Variants in SGCD observed in about 807,000 individuals in gnomAD.
SGCD encodes sarcoglycan delta.
Under a neutral mutation model 36.6 loss-of-function variants are expected in SGCD, and 18 were observed. The ratio of observed to expected loss-of-function variants is 0.49; its 90% CI spans 0.34 to 0.73. The LOEUF (loss-of-function observed/expected upper bound fraction) is 0.73. Ranked by LOEUF, SGCD falls within the 30% of genes least tolerant of loss-of-function variation. The pLI is 0.01. For missense variants in SGCD, 387 were observed against 346.7 expected (o/e 1.12, Z -0.92); for synonymous variants, 133 against 130.6 (o/e 1.02, Z -0.12).
chr5:156,757,851 A>T (rs1757400961), intron 8 of SGCD, 147 bp downstream of exon 8: 1 of 1,342,784 alleles, frequency 7.4e-7, no homozygotes, highest in Non-Finnish European at 9.6e-7. Context: ...TTAATTGAGC[A>T]GCATGATTAT....
rs541233704 is a variant in SGCD, at chr5:156,486,482, C to A, written c.193-22119C>A. Among the ~76,000 whole-genome samples the A allele has an allele frequency of 1.2e-4, 18 of 152,218 alleles. No individual in the cohort carries two copies. The South Asian group carries it at 2.9e-3, about 25-fold the overall frequency. On this transcript the variant is annotated intron_variant, in intron 3 of 8. Transcript: ENST00000337851. ...CTTGGGACTGGCCCTGCTGGATGTC[C>A]TTTTGAAACCTGAGGATCTCCTCTG...
intron 4 of SGCD, among the ~76,000 whole-genome samples, chr5:156,538,926 CAACT>C: frequency 6.6e-6 from 1 of 152,052 alleles, no homozygotes; most frequent in African/African-American, 2.4e-5. Flanking sequence ...GTGTAGATAA[CAACT>C]AACAGTTTTA....
chr5:156,387,785 A>C (rs1580911529), intron 3 of SGCD, among the ~76,000 whole-genome samples: 1 of 152,220 alleles, frequency 6.6e-6, no homozygotes, highest in Non-Finnish European at 1.5e-5. Flanking sequence ...TGCATGTTGA[A>C]GAAGAAATGA....
At chr5:156,716,773 A>G (rs1755241361) in intron 7 of SGCD, among the ~76,000 whole-genome samples, 1 of 152,154 alleles carries the variant, frequency 6.6e-6, no homozygotes, top group Non-Finnish European at 1.5e-5. Flanking sequence ...GTCATGCATG[A>G]TAGAAACACA....
intron 3 of SGCD, among the ~76,000 whole-genome samples, chr5:156,131,520 G>A (rs1762323596): frequency 6.6e-6 from 1 of 152,206 alleles, no homozygotes; most frequent in Admixed American, 6.5e-5. Context: ...ACATTCCTAA[G>A]CCAGAGAATA....
intron 7 of SGCD, among the ~76,000 whole-genome samples, chr5:156,723,226 G>C (rs1429228665): frequency 6.6e-6 from 1 of 152,146 alleles, no homozygotes; most frequent in East Asian, 1.9e-4. Context: ...TAAAATGAGG[G>C]AGAGTTGCTC....
At chr5:155,917,419 G>T (rs1055366176) in intron 1 of SGCD, among the ~76,000 whole-genome samples, 1 of 152,156 alleles carries the variant, frequency 6.6e-6, no homozygotes, top group African/African-American at 2.4e-5. Flanking sequence ...GATCTGGCCT[G>T]TAGTAAGTAA....
chr5:155,972,173 G>A (rs1038127466), intron 1 of SGCD, among the ~76,000 whole-genome samples: 4 of 152,060 alleles, frequency 2.6e-5, no homozygotes, highest in Non-Finnish European at 2.9e-5. Flanking sequence ...TTCTAATTGA[G>A]GAAAAGAATA....
chr5:156,067,296 G>A (rs1291302553), intron 1 of SGCD, among the ~76,000 whole-genome samples: 1 of 107,878 alleles, frequency 9.3e-6, no homozygotes, highest in Non-Finnish European at 1.7e-5. Flanking sequence ...CTGTCTGCCC[G>A]TTCTCAGATC....
At chr5:155,906,582 G>A (rs1756516474) in intron 1 of SGCD, among the ~76,000 whole-genome samples, 2 of 152,170 alleles carry the variant, frequency 1.3e-5, no homozygotes, top group Non-Finnish European at 2.9e-5. Flanking sequence ...GAAAGTCTGA[G>A]TGGTCTAGAT....
chr5:156,157,106 C>T (rs1264139775), intron 3 of SGCD, among the ~76,000 whole-genome samples: 1 of 151,634 alleles, frequency 6.6e-6, no homozygotes, highest in Admixed American at 6.6e-5. Flanking sequence ...AGACAGGATT[C>T]TGATGATGTG....
chr5:155,908,702 T>C (rs1756573277), intron 1 of SGCD, among the ~76,000 whole-genome samples: 3 of 152,138 alleles, frequency 2.0e-5, no homozygotes, highest in Non-Finnish European at 4.4e-5. Flanking sequence ...TTTCTGTAAC[T>C]CCGTATTGAC....
chr5:156,676,268 T>A (rs1753504205), intron 7 of SGCD, among the ~76,000 whole-genome samples: 1 of 152,194 alleles, frequency 6.6e-6, no homozygotes, highest in Admixed American at 6.5e-5. Context: ...CCCCAGGTTG[T>A]TGCCACAGAA....
chr5:155,825,305 G>A, the SGCD span, among the ~76,000 whole-genome samples: 2 of 152,176 alleles, frequency 1.3e-5, no homozygotes, highest in African/African-American at 4.8e-5. Context: ...AGGGGAGAGG[G>A]TCCCGAACAA....
chr5:156,689,108 G>A (rs1024295741), intron 7 of SGCD, among the ~76,000 whole-genome samples: 2 of 152,182 alleles, frequency 1.3e-5, no homozygotes, highest in Non-Finnish European at 2.9e-5. Context: ...CTGTAGTTTA[G>A]TTAATAGTAT....
intron 3 of SGCD, among the ~76,000 whole-genome samples, chr5:156,165,912 T>C (rs1763200333): frequency 6.6e-6 from 1 of 152,224 alleles, no homozygotes. Flanking sequence ...TTGCAAATTT[T>C]GTTTGAAGTT....
intron 3 of SGCD, among the ~76,000 whole-genome samples, chr5:156,317,322 T>C (rs1767544752): frequency 6.6e-6 from 1 of 152,114 alleles, no homozygotes; most frequent in Non-Finnish European, 1.5e-5. Context: ...TGCACAACCA[T>C]AGGAGATGGC....
intron 7 of SGCD, among the ~76,000 whole-genome samples, chr5:156,693,632 A>G (rs181820986): frequency 3.0e-4 from 46 of 152,260 alleles, no homozygotes; most frequent in Admixed American, 2.6e-3. Flanking sequence ...TGAAAAGGAA[A>G]TTGTTTAGAG....
chr5:156,065,444 T>C (rs201841941), intron 1 of SGCD, among the ~76,000 whole-genome samples: 28,361 of 117,604 alleles, frequency 0.24, 5,676 homozygotes, highest in Non-Finnish European at 0.33. Context: ...TGTAGATGTC[T>C]ATTAGGTCTG....
Sources: allele counts gnomAD v4.1 joint callset (sites outside exome capture counted in the v4.1 genomes callset), GRCh38; gene constraint gnomAD v4.1.1; transcripts MANE v1.5; gene names NCBI Gene and HGNC (gene_info 2026-07-23, HGNC 2026-07-21).